Variants in PDE10A observed in about 807,000 individuals in gnomAD.
PDE10A encodes phosphodiesterase 10A, also known as cAMP and cAMP-inhibited cGMP 3',5'-cyclic phosphodiesterase 10A.
In PDE10A, 39 loss-of-function variants were observed where a neutral mutation model predicts 97.7. The ratio of observed to expected loss-of-function variants is 0.40; its 90% CI spans 0.31 to 0.52. The LOEUF (loss-of-function observed/expected upper bound fraction) is 0.52, where lower values mean the gene tolerates loss of function less well. Among genes scored for constraint, PDE10A ranks in the 20% least tolerant of loss-of-function variants. The probability of loss-of-function intolerance (pLI) is 0.56; values close to 1 mark genes in which losing one functional copy is unlikely to be tolerated. For missense variants in PDE10A, 731 were observed against 1,047.8 expected (o/e 0.70, Z 4.17); for synonymous variants, 371 against 376.8 (o/e 0.98, Z 0.18).
At chr6:165,833,010 G>C (rs1336322777) in intron 1 of PDE10A, among the ~76,000 whole-genome samples, 1 of 152,178 alleles carries the variant, frequency 6.6e-6, no homozygotes, top group Non-Finnish European at 1.5e-5. Flanking sequence ...TTCTGAGCTG[G>C]AAAAACAATT....
chr6:165,538,167 C>T (rs1783211785), intron 2 of PDE10A, among the ~76,000 whole-genome samples: 1 of 152,008 alleles, frequency 6.6e-6, no homozygotes, highest in East Asian at 1.9e-4. Flanking sequence ...AAATATCTAA[C>T]TGCTTTATTC....
At chr6:165,378,988 T>A (rs1230816323) in intron 18 of PDE10A, among the ~76,000 whole-genome samples, 1 of 152,206 alleles carries the variant, frequency 6.6e-6, no homozygotes, top group African/African-American at 2.4e-5. Flanking sequence ...GTATTTTGAT[T>A]ATCCTCACTA....
chr6:165,571,379 T>C (rs1169910682), intron 1 of PDE10A, among the ~76,000 whole-genome samples: 2 of 152,190 alleles, frequency 1.3e-5, no homozygotes, highest in African/African-American at 2.4e-5. Flanking sequence ...GTCCTGCCAA[T>C]AGACTGGAAC....
chr6:165,724,678 T>C (rs1176664648), intron 1 of PDE10A, among the ~76,000 whole-genome samples: 3 of 152,220 alleles, frequency 2.0e-5, no homozygotes, highest in African/African-American at 4.8e-5. Flanking sequence ...TTACCCAAAG[T>C]TTCTCATTTT....
intron 2 of PDE10A, among the ~76,000 whole-genome samples, chr6:165,535,538 T>G (rs1783030584): frequency 6.6e-6 from 1 of 151,954 alleles, no homozygotes; most frequent in African/African-American, 2.4e-5. Flanking sequence ...TCCATGTTGC[T>G]GCAAAAGACA....
intron 13 of PDE10A, among the ~76,000 whole-genome samples, chr6:165,412,698 T>C (rs932081268): frequency 1.3e-5 from 2 of 152,126 alleles, no homozygotes; most frequent in South Asian, 2.1e-4. Flanking sequence ...TGTCTCCGCT[T>C]GTCCTATGAG....
At position 165,662,607 on chromosome 6, in the gene PDE10A, G is replaced by C. The variant is rs1225395283; in HGVS notation, c.205C>G (p.Leu69Val). The C allele has an allele frequency of 6.9e-6, 1 of 144,670 alleles. No homozygotes were observed. Among genetic ancestry groups the C allele is most frequent in the Non-Finnish European group, 1.5e-5 (1 of 65,166 alleles). The allele number at this position is 144,670 out of a possible 1,614,324, so 9.0% of individuals were successfully genotyped here. ...GGGCTGGGGCGGCCTGCGGAGGAGA[G>C]GGGCGGGCGCGGGGGCGCGGCGCGC... ...AERAAPPRPP[L>V]SSAGRPSPAG... is the part of the protein sequence containing the mutation. Residue 69 changes from leucine (L) to valine (V), a missense_variant, in exon 1 of 22, where the codon CTC (leucine) becomes GTC (valine). This residue lies in a region of PDE10A where 181 missense variants were observed against 159.1 expected (regional missense o/e 1.14). Transcript: ENST00000539869.
At chr6:165,637,118 T>G (rs1452507618) in intron 1 of PDE10A, among the ~76,000 whole-genome samples, 5 of 152,144 alleles carry the variant, frequency 3.3e-5, no homozygotes, top group Admixed American at 3.3e-4. Flanking sequence ...ATGTTATAAA[T>G]GAACTGAGGC....
chr6:165,521,165 T>C (rs1292137836), intron 2 of PDE10A, among the ~76,000 whole-genome samples: 1 of 152,162 alleles, frequency 6.6e-6, no homozygotes, highest in Non-Finnish European at 1.5e-5. Context: ...TTACTGTCAT[T>C]GTTTGGAGAG....
At chr6:165,625,723 T>TGCC (rs1562640684) in intron 1 of PDE10A, among the ~76,000 whole-genome samples, 1,622 of 152,124 alleles carry the variant, frequency 0.011, 37 homozygotes, top group African/African-American at 0.037. Flanking sequence ...TCTCTCTTGC[T>TGCC]GCCATGTAAG....
chr6:165,617,433 T>A (rs1031867969), intron 1 of PDE10A, among the ~76,000 whole-genome samples: 5 of 152,052 alleles, frequency 3.3e-5, no homozygotes, highest in African/African-American at 1.2e-4. Flanking sequence ...CAACCTCACC[T>A]CCCAGGTTCA....
rs968841719 is a variant in PDE10A, at chr6:165,701,776, CGT to C, written c.-614-158210_-614-158209del. Among the ~76,000 whole-genome samples the C allele has an allele frequency of 9.8e-4, 144 of 146,996 alleles. 1 individual carries two copies. Among genetic ancestry groups the C allele is most frequent in the African/African-American group, 1.2e-3 (47 of 39,838 alleles). On this transcript the variant is annotated intron_variant, in intron 1 of 19. Coordinates refer to the PDE10A transcript ENST00000366882. ...GTATGTTTGCATGTGTGTATGTTTGCGTGTGTGTGTGTGCATGTGTGTGTGTG... is the reference window on the plus strand; with the variant it reads ...GTATGTTTGCATGTGTGTATGTTTGCGTGTGTGTGTGCATGTGTGTGTGTG...
chr6:165,651,966 T>A (rs1789708890), intron 1 of PDE10A, among the ~76,000 whole-genome samples: 1 of 152,136 alleles, frequency 6.6e-6, no homozygotes, highest in Admixed American at 6.6e-5. Flanking sequence ...CGTGTCTGGG[T>A]TTGTTAACAC....
At chr6:165,879,343 T>C (rs1781418470) in intron 1 of PDE10A, among the ~76,000 whole-genome samples, 1 of 152,190 alleles carries the variant, frequency 6.6e-6, no homozygotes, top group Non-Finnish European at 1.5e-5. Context: ...TTGCTGTAGT[T>C]TGAGCAATTT....
At chr6:165,830,275 G>C (rs1779873415) in intron 1 of PDE10A, among the ~76,000 whole-genome samples, 3 of 152,202 alleles carry the variant, frequency 2.0e-5, no homozygotes. Flanking sequence ...ACTGTCTCCA[G>C]ACAGTCGCTC....
At position 165,578,971 on chromosome 6, in the gene PDE10A, T is replaced by C. The variant is rs141578525; in HGVS notation, c.866-35403A>G. ...GTCAGAGAAGCTTCTCACAAACAAA[T>C]GGACACCCACATTGAGCCTTGTAAT... On this transcript the variant is annotated intron_variant, in intron 1 of 21. Coordinates refer to ENST00000539869, the MANE Select transcript of PDE10A (RefSeq NM_001385079.1). 5.6e-4 allele frequency among the ~76,000 whole-genome samples: 86 copies of C among 152,230 alleles called. 1 individual carries two copies. Among genetic ancestry groups the C allele is most frequent in the African/African-American group, 2.0e-3 (81 of 41,534 alleles).
intron 1 of PDE10A, among the ~76,000 whole-genome samples, chr6:165,627,579 C>A (rs527501084): frequency 6.6e-6 from 1 of 152,214 alleles, no homozygotes; most frequent in Admixed American, 6.5e-5. Flanking sequence ...CCCAAGCTGC[C>A]GTGACTTGGG....
At chr6:165,338,460 G>A (rs1781777397) in intron 20 of PDE10A, among the ~76,000 whole-genome samples, 1 of 152,128 alleles carries the variant, frequency 6.6e-6, no homozygotes, top group South Asian at 2.1e-4. Context: ...ACATACACAT[G>A]TGCAAAACTA....
chr6:165,638,148 C>T (rs1788966634), intron 1 of PDE10A, among the ~76,000 whole-genome samples: 1 of 152,118 alleles, frequency 6.6e-6, no homozygotes, highest in South Asian at 2.1e-4. Context: ...TTGTGAAATG[C>T]CTCATTGGAA....
Sources: gnomAD v4.1 joint callset for allele counts (sites outside exome capture counted in the v4.1 genomes callset) on GRCh38, gnomAD v4.1.1 for gene constraint, gnomAD v4.1.1 regional missense constraint, MANE v1.5 for transcripts, NCBI Gene and HGNC (gene_info 2026-07-23, HGNC 2026-07-21) for gene names.